SLC35A3: variants seen among roughly 807,000 people sequenced by gnomAD.
SLC35A3 encodes UDP-N-acetylglucosamine transporter.
Under a neutral mutation model 39.0 loss-of-function variants are expected in SLC35A3, and 26 were observed. The observed-to-expected ratio is 0.67, with a 90% CI of 0.49 to 0.92. SLC35A3 has a LOEUF of 0.92. SLC35A3 is among the 40% of genes least tolerant of loss of function. The pLI, the probability that SLC35A3 is intolerant of heterozygous loss-of-function variation, is 0.00. For synonymous variants in SLC35A3, 135 were observed against 133.1 expected (o/e 1.01, Z -0.10); for missense variants, 299 against 371.6 (o/e 0.80, Z 1.61).
At chr1:99,979,317 C>A (rs1570566931) in intron 1 of SLC35A3, among the ~76,000 whole-genome samples, 1 of 152,188 alleles carries the variant, frequency 6.6e-6, no homozygotes, top group South Asian at 2.1e-4. Flanking sequence ...TGCCAATATT[C>A]CTTTTCTTGT....
At position 99,996,490 on chromosome 1, in the gene SLC35A3, A is replaced by C. The variant is rs190648917; in HGVS notation, c.187+2749A>C. ...ACTAGCAATCAAGGAAATCAGATTA[A>C]AACCACAGGACACAATTTCACTGCC... On this transcript the variant is annotated intron_variant, in intron 2 of 7. Transcript: ENST00000533028. 1.2e-3 allele frequency among the ~76,000 whole-genome samples: 182 copies of C among 152,334 alleles called. 1 individual carries two copies. The highest frequency in any genetic ancestry group is 0.01 in the Middle Eastern group (3 of 294).
rs1660960232 is a variant in SLC35A3 at position 100,027,236 on chromosome 1, G to A, written c.*4760G>A. ...GGAAGCCAAGGCAGAAGAATCGCTTGAGCCCATGAATTTGAGGCCAGCCTG... is the reference window on the plus strand; with the variant it reads ...GGAAGCCAAGGCAGAAGAATCGCTTAAGCCCATGAATTTGAGGCCAGCCTG... On this transcript the variant is annotated 3_prime_UTR_variant, in exon 8 of 8. Transcript: ENST00000533028. 1 of 398,420 alleles carries A rather than the reference G, an allele frequency of 2.5e-6. No homozygotes were observed. The highest frequency in any genetic ancestry group is 4.4e-6 in the Non-Finnish European group (1 of 226,058). 24.7% of individuals were successfully genotyped at this position (398,420 alleles called of 1,614,324 possible). A position where few individuals can be genotyped will look rare whatever the true frequency, so the allele number is the denominator to read the frequency against.
intron 1 of SLC35A3, among the ~76,000 whole-genome samples, chr1:99,992,081 T>C (rs1412755363): frequency 6.6e-6 from 1 of 152,138 alleles, no homozygotes; most frequent in African/African-American, 2.4e-5. Context: ...ATGGTAATGG[T>C]GGTTGATAGT....
At position 100,019,381 on chromosome 1, in the gene SLC35A3, TTGAATGAATGAA is replaced by T. The variant is rs71719100; in HGVS notation, c.887+1592_887+1603del. 5.1e-3 allele frequency among the ~76,000 whole-genome samples: 762 copies of T among 149,270 alleles called. 5 individuals are homozygous for T. The highest frequency in any genetic ancestry group is 0.011 in the African/African-American group (432 of 41,058). ...AGAAAAGACAATGATACTGCCATTA[TTGAATGAATGAA>T]TGAATGAATGAATGAATGAATGAAT... On this transcript the variant is annotated intron_variant, in intron 7 of 7. Transcript: ENST00000533028.
At position 100,030,689 on chromosome 1, in the gene SLC35A3, T is replaced by A. The variant is rs1471086128; in HGVS notation, c.*8213T>A. On this transcript the variant is annotated 3_prime_UTR_variant, in exon 8 of 8. Transcript: ENST00000533028. ...AATCTGTGTGTGTGTGTGTTTGGTC[T>A]TTTAAAAGATACTGCATGTACAAAC... The A allele has an allele frequency of 6.6e-6, 1 of 152,226 alleles. No homozygotes were observed. Among genetic ancestry groups the A allele is most frequent in the African/African-American group, 2.4e-5 (1 of 41,464 alleles). 9.4% of individuals were successfully genotyped at this position (152,226 alleles called of 1,614,324 possible).
intron 1 of SLC35A3, among the ~76,000 whole-genome samples, chr1:99,984,127 A>G (rs1339114869): frequency 6.6e-6 from 1 of 152,182 alleles, no homozygotes; most frequent in Non-Finnish European, 1.5e-5. Flanking sequence ...GTTAAAAAGT[A>G]CAAAAACAAG....
intron 3 of SLC35A3, among the ~76,000 whole-genome samples, chr1:100,006,144 G>C (rs1659212627): frequency 6.6e-6 from 1 of 152,150 alleles, no homozygotes; most frequent in Admixed American, 6.5e-5. Flanking sequence ...TTCCTTAGTG[G>C]CTTCGACTGA....
Position 100,007,269 on chromosome 1 carries a change from C to T in SLC35A3, c.465+113C>T, listed in dbSNP as rs1659306561. 2.4e-5 allele frequency: 23 copies of T among 940,954 alleles called. No homozygotes were observed. The South Asian group carries it at 3.4e-4, about 14-fold the overall frequency. 58.3% of individuals were successfully genotyped at this position (940,954 alleles called of 1,614,324 possible). A position where few individuals can be genotyped will look rare whatever the true frequency, so the allele number is the denominator to read the frequency against. On this transcript the variant is annotated intron_variant, in intron 4 of 7. Coordinates refer to ENST00000533028, the MANE Select transcript of SLC35A3 (RefSeq NM_012243.3). ...ATTGTTGAAACCAACAAATGTTTTT[C>T]CCCACAACTAACATATGTTTTGAGG...
At chr1:100,006,295 G>T (rs982501425) in intron 3 of SLC35A3, among the ~76,000 whole-genome samples, 15 of 152,156 alleles carry the variant, frequency 9.9e-5, no homozygotes, top group African/African-American at 3.6e-4. Flanking sequence ...GTGGGTCCAG[G>T]TGGCTGGTCC....
In SLC35A3 at chr1:100,031,204, T is replaced by C. The variant is rs1661191409; in HGVS notation, c.*8728T>C. Reference sequence around the variant, plus strand: ...TGGGCTACCTCCATGAACTCACACATGCGGCATTGTTAAAGAACCTTTTTT... The same window carrying C: ...TGGGCTACCTCCATGAACTCACACACGCGGCATTGTTAAAGAACCTTTTTT... On this transcript the variant is annotated 3_prime_UTR_variant, in exon 8 of 8. Transcript: ENST00000533028. The C allele has an allele frequency of 6.6e-6, 1 of 152,208 alleles. No homozygotes were observed. Among genetic ancestry groups the C allele is most frequent in the Non-Finnish European group, 1.5e-5 (1 of 68,030 alleles). 9.4% of individuals were successfully genotyped at this position (152,208 alleles called of 1,614,324 possible).
rs1270289708 is a variant in SLC35A3 at position 100,024,944 on chromosome 1, C to T, written c.*2468C>T. 9.1e-6 allele frequency: 3 copies of T among 329,062 alleles called. No homozygotes were observed. The highest frequency in any genetic ancestry group is 1.6e-5 in the Non-Finnish European group (3 of 183,344). 20.4% of individuals were successfully genotyped at this position (329,062 alleles called of 1,614,324 possible). A position where few individuals can be genotyped will look rare whatever the true frequency, so the allele number is the denominator to read the frequency against. On this transcript the variant is annotated 3_prime_UTR_variant, in exon 8 of 8. Transcript: ENST00000533028. ...TGCCTAACGTGAACTGGCAGTGTTA[C>T]CTTGCTTTTGCAGTAATAGTCTACA...
intron 1 of SLC35A3, among the ~76,000 whole-genome samples, chr1:99,980,065 A>T (rs1224844684): frequency 1.3e-5 from 2 of 151,948 alleles, no homozygotes; most frequent in African/African-American, 4.8e-5. Context: ...ATATATGTAT[A>T]TATATTCCAG....
chr1:99,996,364 C>T (rs754644446), intron 2 of SLC35A3, among the ~76,000 whole-genome samples: 1 of 152,034 alleles, frequency 6.6e-6, no homozygotes, highest in Non-Finnish European at 1.5e-5. Context: ...AATCAGAGTT[C>T]ATAGAAACTT....
Position 100,015,356 on chromosome 1 carries a change from TG to T in SLC35A3, c.691del (p.Val231TyrfsTer13). The stretch of plus-strand genomic sequence containing the variant: ...GGTGTATACATTTATGATGGAGAAC[TG>T]GTATCAAAGAATGGATTTTTTCAGG... ...LMGVYIYDGE[L>X]VSKNGFFQGY... is the part of the protein sequence containing the mutation. On this transcript the variant is annotated frameshift_variant, in exon 6 of 8. Transcript: ENST00000533028. LOFTEE classifies it high-confidence loss of function. The T allele has an allele frequency of 6.2e-7, 1 of 1,613,278 alleles. No individual in the cohort carries two copies. Among genetic ancestry groups the T allele is most frequent in the South Asian group, 1.1e-5 (1 of 90,912 alleles).
chr1:99,974,531 T>A (rs931445995), intron 1 of SLC35A3, among the ~76,000 whole-genome samples: 1 of 152,192 alleles, frequency 6.6e-6, no homozygotes, highest in African/African-American at 2.4e-5. Context: ...AGTCTTATTA[T>A]GTTGGCTTGG....
chr1:100,004,744 A>G (rs951551171), intron 3 of SLC35A3, among the ~76,000 whole-genome samples: 9 of 151,782 alleles, frequency 5.9e-5, no homozygotes, highest in African/African-American at 2.2e-4. Context: ...TTTATTTTCT[A>G]AAAGACAGAT....
At chr1:100,016,850 T>C (rs1357363097) in intron 6 of SLC35A3, among the ~76,000 whole-genome samples, 1 of 152,112 alleles carries the variant, frequency 6.6e-6, no homozygotes, top group Non-Finnish European at 1.5e-5. Context: ...GCTGAAGATA[T>C]GAGAAAAATT....
At chr1:99,994,030 A>G (rs1349572998) in intron 2 of SLC35A3, among the ~76,000 whole-genome samples, 2 of 152,126 alleles carry the variant, frequency 1.3e-5, no homozygotes, top group Non-Finnish European at 2.9e-5. Flanking sequence ...TTAGAACTCT[A>G]GAAGAATCAT....
chr1:99,979,430 CT>C (rs755564922), intron 1 of SLC35A3, among the ~76,000 whole-genome samples: 14,555 of 136,102 alleles, frequency 0.11, 647 homozygotes, highest in African/African-American at 0.17. Flanking sequence ...CCTTTTCTTT[CT>C]TTTTTTTTTT....
Sources: gnomAD v4.1 joint callset for allele counts (sites outside exome capture counted in the v4.1 genomes callset) on GRCh38, gnomAD v4.1.1 for gene constraint, MANE v1.5 for transcripts, NCBI Gene and HGNC (gene_info 2026-07-23, HGNC 2026-07-21) for gene names.